SVIL: variants seen among roughly 807,000 people sequenced by gnomAD.
The protein encoded by SVIL is supervillin, also known as archvillin.
In SVIL, 101 loss-of-function variants were observed where a neutral mutation model predicts 240.4. The observed-to-expected ratio is 0.42, with a 90% CI of 0.36 to 0.50. The LOEUF (loss-of-function observed/expected upper bound fraction) is 0.50. Among genes scored for constraint, SVIL ranks in the 20% least tolerant of loss-of-function variants. The pLI is 0.01. For missense variants in SVIL, 2,512 were observed against 2,818.7 expected, an observed-to-expected ratio of 0.89 and a Z score of 2.46; for synonymous variants, 999 against 1,100.0, an observed-to-expected ratio of 0.91 and a Z score of 1.82.
At chr10:29,459,985 G>C (rs1412169771) in intron 36 of SVIL, among the ~76,000 whole-genome samples, 1 of 152,124 alleles carries the variant, frequency 6.6e-6, no homozygotes, top group Non-Finnish European at 1.5e-5. Context: ...TACCTACTTG[G>C]GGTGGCTGAG....
chr10:29,468,075 T>C (rs908549285), intron 32 of SVIL, among the ~76,000 whole-genome samples, 200 bp from the exon 33 acceptor site: 3 of 152,190 alleles, frequency 2.0e-5, no homozygotes, highest in Non-Finnish European at 4.4e-5. Context: ...TTTCAGAACA[T>C]TTTCATCTCC....
At chr10:29,490,320 T>C (rs981872333) in intron 22 of SVIL, among the ~76,000 whole-genome samples, 6 of 152,322 alleles carry the variant, frequency 3.9e-5, no homozygotes, top group African/African-American at 1.4e-4. Context: ...TCTTTTACTA[T>C]AAGAGATCAA....
chr10:29,557,717 C>T (rs1314858098), intron 3 of SVIL, among the ~76,000 whole-genome samples: 3 of 152,158 alleles, frequency 2.0e-5, no homozygotes, highest in African/African-American at 7.2e-5. Context: ...TGCAAGCCTC[C>T]TGTCCACAGG....
chr10:29,711,130 C>A (rs1564350053), intron 1 of SVIL, among the ~76,000 whole-genome samples: 1 of 145,670 alleles, frequency 6.9e-6, no homozygotes, highest in Non-Finnish European at 1.6e-5. Flanking sequence ...GCCAGAATGG[C>A]GACTCATGCC....
rs368925968 is a variant in SVIL at position 29,580,656 on chromosome 10, A to AATGT, written c.-200-11348_-200-11345dup. Among the ~76,000 whole-genome samples, 1,277 of 152,220 alleles carry AATGT rather than the reference A, an allele frequency of 8.4e-3. 16 individuals are homozygous for AATGT. The highest frequency in any genetic ancestry group is 0.025 in the African/African-American group (1,023 of 41,502). On this transcript the variant is annotated intron_variant, in intron 1 of 37. Transcript: ENST00000355867. The stretch of plus-strand genomic sequence containing the variant: ...GCTGGAATGAATGAATTAACTAATT[A>AATGT]ATGTATGTATGTATGTATGTATTTA...
intron 6 of SVIL, among the ~76,000 whole-genome samples, chr10:29,540,354 G>T (rs1206446932): frequency 6.6e-6 from 1 of 152,086 alleles, no homozygotes; most frequent in Non-Finnish European, 1.5e-5. Flanking sequence ...TCATCTCCTC[G>T]GCACTCGGAA....
chr10:29,572,817 A>G (rs888486826), intron 1 of SVIL, among the ~76,000 whole-genome samples: 11 of 151,698 alleles, frequency 7.3e-5, no homozygotes, highest in Non-Finnish European at 1.6e-4. Context: ...GAGAGATAGG[A>G]TGAAATAATA....
intron 1 of SVIL, among the ~76,000 whole-genome samples, chr10:29,582,424 T>C (rs1955983653): frequency 6.6e-6 from 1 of 152,052 alleles, no homozygotes; most frequent in African/African-American, 2.4e-5. Context: ...TCTTAAACAA[T>C]GATGTGACGA....
chr10:29,521,198 G>A (rs1950541446), intron 16 of SVIL, among the ~76,000 whole-genome samples: 1 of 150,052 alleles, frequency 6.7e-6, no homozygotes. Context: ...ACTCCAGCCT[G>A]GGTGACAAAG....
Position 29,457,976 on chromosome 10 carries a change from C to A in SVIL, c.*271G>T. On this transcript the variant is annotated 3_prime_UTR_variant, in exon 38 of 38. Transcript: ENST00000355867. ...AGCTGGAACAAGAAGGCAGTGCTAT[C>A]TATAGCAGCTGCGGCTTAAGTGCAC... 3.5e-6 allele frequency: 1 copy of A among 281,946 alleles called. No individual in the cohort carries two copies. The highest frequency in any genetic ancestry group is 6.6e-5 in the East Asian group (1 of 15,150). The allele number at this position is 281,946 out of a possible 1,614,324, so 17.5% of individuals were successfully genotyped here.
At chr10:29,480,874 G>T in intron 28 of SVIL, 61 bp from the exon 29 acceptor site, 2 of 1,537,522 alleles carry the variant, frequency 1.3e-6, no homozygotes, top group Non-Finnish European at 1.8e-6. Context: ...TCCTTGTCAT[G>T]CTCAATGCTG....
rs550005444 is a variant in SVIL at position 29,621,089 on chromosome 10, C to A, written c.-201+13331G>T. Among the ~76,000 whole-genome samples, 514 of 152,152 alleles carry A rather than the reference C, an allele frequency of 3.4e-3. 1 individual carries two copies. Among genetic ancestry groups the A allele is most frequent in the African/African-American group, 0.012 (500 of 41,480 alleles). ...AAAGTGCTGGGATTACAGGTGCACG[C>A]CCCACCCATCCTTGCCTTTGTATTC... On this transcript the variant is annotated intron_variant, in intron 1 of 37. Transcript: ENST00000355867.
intron 6 of SVIL, among the ~76,000 whole-genome samples, chr10:29,546,144 T>A (rs1952664262): frequency 6.6e-6 from 1 of 152,224 alleles, no homozygotes; most frequent in African/African-American, 2.4e-5. Flanking sequence ...AGCTCAGGTG[T>A]TTAAAAATCT....
chr10:29,694,848 C>G (rs1003335397), intron 1 of SVIL, among the ~76,000 whole-genome samples: 1 of 152,134 alleles, frequency 6.6e-6, no homozygotes, highest in Non-Finnish European at 1.5e-5. Context: ...GAGATTCATA[C>G]GCTATAAGCC....
chr10:29,721,806 C>T (rs1272441318), intron 1 of SVIL, among the ~76,000 whole-genome samples: 1 of 152,208 alleles, frequency 6.6e-6, no homozygotes, highest in African/African-American at 2.4e-5. Flanking sequence ...TACTAATAAG[C>T]AGTCCATATC....
At chr10:29,606,597 A>G (rs776562253) in intron 1 of SVIL, among the ~76,000 whole-genome samples, 9 of 152,202 alleles carry the variant, frequency 5.9e-5, no homozygotes, top group Non-Finnish European at 8.8e-5. Context: ...TATAACTATA[A>G]TGCTATTATA....
rs540099944 is a variant in SVIL, at chr10:29,562,004, C to G, written c.-51+1197G>C. Among the ~76,000 whole-genome samples, 23 of 152,308 alleles carry G rather than the reference C, an allele frequency of 1.5e-4. 1 individual carries two copies. The South Asian group carries it at 4.6e-3, about 30-fold the overall frequency. ...ACTGTGTCTCGGCCTATCACCCGTT[C>G]AGTTCCTCAGGATATATTCCAATTC... is the stretch of plus-strand genomic sequence containing the variant. On this transcript the variant is annotated intron_variant, in intron 3 of 37. Coordinates refer to ENST00000355867, the MANE Select transcript of SVIL (RefSeq NM_021738.3).
chr10:29,618,146 C>G (rs934777879), intron 1 of SVIL, among the ~76,000 whole-genome samples: 3 of 152,204 alleles, frequency 2.0e-5, no homozygotes, highest in Admixed American at 6.5e-5. Context: ...TAATCCTGTC[C>G]TCTTGAGGAG....
chr10:29,636,771 T>C (rs147303567), upstream of SVIL, among the ~76,000 whole-genome samples: 13 of 152,316 alleles, frequency 8.5e-5, no homozygotes, highest in African/African-American at 3.1e-4. Context: ...AAAATTCCTA[T>C]CAAAATCTTG....
Sources: allele counts gnomAD v4.1 joint callset (sites outside exome capture counted in the v4.1 genomes callset), GRCh38; gene constraint gnomAD v4.1.1; transcripts MANE v1.5; gene names NCBI Gene and HGNC (gene_info 2026-07-23, HGNC 2026-07-21).